NCKAP5: variants seen among roughly 807,000 people sequenced by gnomAD.
The protein encoded by NCKAP5 is nck-associated protein 5.
A neutral mutation model predicts 167.0 loss-of-function variants in NCKAP5; 92 were observed. The observed-to-expected ratio is 0.55, with a 90% CI of 0.47 to 0.66. NCKAP5 has a LOEUF of 0.66. Ranked by LOEUF, NCKAP5 falls within the 30% of genes least tolerant of loss-of-function variation. The pLI is 0.00. For synonymous variants in NCKAP5, 891 were observed against 877.4 expected (o/e 1.02, Z -0.27); for missense variants, 2,378 against 2,315.0 (o/e 1.03, Z -0.56).
chr2:133,519,248 GA>G (rs1684277853), intron 2 of NCKAP5, among the ~76,000 whole-genome samples: 1 of 152,186 alleles, frequency 6.6e-6, no homozygotes, highest in African/African-American at 2.4e-5. Context: ...TTACTTTCAA[GA>G]ACACTAATTT....
intron 8 of NCKAP5, among the ~76,000 whole-genome samples, chr2:132,888,251 G>T (rs1692409712): frequency 6.6e-6 from 1 of 152,078 alleles, no homozygotes; most frequent in African/African-American, 2.4e-5. Flanking sequence ...CTCAGTGGTG[G>T]TCATACACAC....
At chr2:132,791,322 G>T (rs905169235) in intron 12 of NCKAP5, among the ~76,000 whole-genome samples, 6 of 152,122 alleles carry the variant, frequency 3.9e-5, no homozygotes, top group Non-Finnish European at 8.8e-5. Flanking sequence ...TTACCATTTG[G>T]CTATCCACAT....
the NCKAP5 span, among the ~76,000 whole-genome samples, chr2:133,586,236 T>C: frequency 6.6e-6 from 1 of 152,270 alleles, no homozygotes; most frequent in Non-Finnish European, 1.5e-5. Flanking sequence ...AGCACCTCCC[T>C]CAGAGGGTCC....
chr2:132,922,567 T>A (rs1695526511), intron 8 of NCKAP5, among the ~76,000 whole-genome samples: 1 of 152,186 alleles, frequency 6.6e-6, no homozygotes, highest in South Asian at 2.1e-4. Flanking sequence ...ATCTCTCCCA[T>A]GGGCAACCTG....
intron 4 of NCKAP5, among the ~76,000 whole-genome samples, chr2:133,296,536 G>T (rs1009940877): frequency 5.9e-5 from 9 of 152,040 alleles, no homozygotes; most frequent in South Asian, 2.1e-4. Context: ...CTACTCATAG[G>T]TTCTTTGAAG....
At chr2:133,402,766 C>G (rs1196719486) in intron 3 of NCKAP5, among the ~76,000 whole-genome samples, 4 of 152,130 alleles carry the variant, frequency 2.6e-5, no homozygotes, top group African/African-American at 9.7e-5. Context: ...TCCTGAGGCC[C>G]TCACCAGAAG....
Position 132,785,604 on chromosome 2 carries a change from C to T in NCKAP5, c.1207G>A (p.Glu403Lys), listed in dbSNP as rs1418536751. The T allele has an allele frequency of 1.9e-6, 3 of 1,573,040 alleles. No individual in the cohort carries two copies. In the African/African-American group the frequency reaches 4.1e-5, roughly 22 times the overall value. The change falls in exon 14 of 20, where the codon GAA (glutamate) becomes AAA (lysine). Residue 403 changes from glutamate to lysine, a missense_variant. By Grantham distance (56) the Glu-to-Lys change is moderately conservative. Coordinates refer to ENST00000409261, the MANE Select transcript of NCKAP5 (RefSeq NM_207363.3). Reference protein sequence around the residue: ...PTRIKESHILEGLRKLQKRKV... With the variant: ...PTRIKESHILKGLRKLQKRKV... ...CGCTTCTGTAGCTTTCTTAGCCCTT[C>T]CAAAATGTGGCTTTCCTTGATACGA...
chr2:133,352,751 A>C (rs966159637), intron 3 of NCKAP5, among the ~76,000 whole-genome samples: 6 of 152,212 alleles, frequency 3.9e-5, no homozygotes, highest in African/African-American at 1.4e-4. Context: ...TGGACTGCCA[A>C]AACTCAGGGA....
At chr2:133,246,255 A>G (rs1302557433) in intron 4 of NCKAP5, among the ~76,000 whole-genome samples, 1 of 144,592 alleles carries the variant, frequency 6.9e-6, no homozygotes, top group Non-Finnish European at 1.5e-5. Context: ...CTGTATTCTA[A>G]TGGAAAAAAA....
intron 4 of NCKAP5, among the ~76,000 whole-genome samples, chr2:133,287,708 A>G (rs1416735175): frequency 6.6e-6 from 1 of 152,208 alleles, no homozygotes; most frequent in Non-Finnish European, 1.5e-5. Flanking sequence ...ATGTATACTT[A>G]TATGAAATAG....
chr2:133,294,582 AG>A (rs2150529858), intron 4 of NCKAP5, among the ~76,000 whole-genome samples: 1 of 152,336 alleles, frequency 6.6e-6, no homozygotes, highest in East Asian at 1.9e-4. Flanking sequence ...TTAGAGCTGG[AG>A]GGAACGTTAG....
At chr2:132,934,509 T>C (rs1040214260) in intron 8 of NCKAP5, among the ~76,000 whole-genome samples, 1 of 150,016 alleles carries the variant, frequency 6.7e-6, no homozygotes, top group Non-Finnish European at 1.5e-5. Context: ...GAGGTGGAGG[T>C]TGCAGTGAGT....
intron 19 of NCKAP5, among the ~76,000 whole-genome samples, chr2:132,689,896 TCTG>T (rs1158664476): frequency 6.6e-6 from 1 of 152,184 alleles, no homozygotes; most frequent in African/African-American, 2.4e-5. Flanking sequence ...TATCTAACTG[TCTG>T]CTAATGGTGT....
the NCKAP5 span, among the ~76,000 whole-genome samples, chr2:133,650,723 A>G: frequency 6.6e-6 from 1 of 152,094 alleles, no homozygotes; most frequent in Non-Finnish European, 1.5e-5. Flanking sequence ...GCGAGAAAAA[A>G]AAAAGAAAAA....
chr2:133,058,878 T>G (rs1559097022), intron 6 of NCKAP5, among the ~76,000 whole-genome samples: 1 of 152,226 alleles, frequency 6.6e-6, no homozygotes, highest in Non-Finnish European at 1.5e-5. Flanking sequence ...TCAACTGATA[T>G]AGCAAACTTC....
intron 6 of NCKAP5, among the ~76,000 whole-genome samples, chr2:133,076,068 T>C (rs2080589864): frequency 6.6e-6 from 1 of 152,190 alleles, no homozygotes; most frequent in Non-Finnish European, 1.5e-5. Context: ...GTTCCAAAGT[T>C]TATCTTTTCT....
At chr2:132,723,601 A>C (rs1231847516) in intron 19 of NCKAP5, among the ~76,000 whole-genome samples, 2 of 152,166 alleles carry the variant, frequency 1.3e-5, no homozygotes, top group Non-Finnish European at 2.9e-5. Flanking sequence ...CCAAATGAGA[A>C]CTCTTAGGAA....
intron 4 of NCKAP5, among the ~76,000 whole-genome samples, chr2:133,258,017 C>A (rs2088709511): frequency 6.6e-6 from 1 of 152,204 alleles, no homozygotes; most frequent in Admixed American, 6.5e-5. Flanking sequence ...GCGCTAAAGA[C>A]TGCACAGAGT....
At chr2:133,241,324 C>T (rs1377008509) in intron 4 of NCKAP5, among the ~76,000 whole-genome samples, 1 of 152,204 alleles carries the variant, frequency 6.6e-6, no homozygotes, top group Non-Finnish European at 1.5e-5. Context: ...GAGACACACT[C>T]ACATCACATG....
Sources: allele counts gnomAD v4.1 joint callset (sites outside exome capture counted in the v4.1 genomes callset), GRCh38; gene constraint gnomAD v4.1.1; transcripts MANE v1.5; gene names NCBI Gene and HGNC (gene_info 2026-07-23, HGNC 2026-07-21).